Variants in DLX6 observed in about 807,000 individuals in gnomAD.
DLX6 encodes the protein homeobox protein DLX-6.
In DLX6, 4 loss-of-function variants were observed where a neutral mutation model predicts 33.5. The observed-to-expected ratio is 0.12, with a 90% confidence interval of 0.06 to 0.27. The LOEUF is 0.27. Ranked by LOEUF, DLX6 falls within the 10% of genes least tolerant of loss-of-function variation. The probability of loss-of-function intolerance (pLI) is 1.00; values close to 1 mark genes in which losing one functional copy is unlikely to be tolerated. For missense variants in DLX6, 382 were observed against 393.3 expected (o/e 0.97, Z 0.24); for synonymous variants, 184 against 164.8 (o/e 1.12, Z -0.89).
In DLX6 at chr7:97,006,430, G is replaced by C. The variant is rs1789733541; in HGVS notation, c.436+17G>C. The C allele has an allele frequency of 1.5e-6, 2 of 1,301,172 alleles. No homozygotes were observed. The allele number at this position is 1,301,172 out of a possible 1,614,324, so 80.6% of individuals were successfully genotyped here. A position where few individuals can be genotyped will look rare whatever the true frequency, so the allele number is the denominator to read the frequency against. On this transcript the variant is annotated intron_variant, in intron 1 of 2. Coordinates refer to ENST00000518156, the MANE Select transcript of DLX6 (RefSeq NM_005222.4). ...ACGACACAGGTGAGAGGCCGCTGGG[G>C]CAGCTCGCTTCTCCCGCCTCCCGAC...
At chr7:97,008,907 G>A (rs991746880) in intron 2 of DLX6, among the ~76,000 whole-genome samples, 4 of 152,204 alleles carry the variant, frequency 2.6e-5, no homozygotes, top group African/African-American at 4.8e-5. Flanking sequence ...TGAAAAAGTA[G>A]ATTCTTATGG....
At chr7:97,006,705 A>C (rs894264941) in intron 1 of DLX6, 2 of 162,190 alleles carry the variant, frequency 1.2e-5, no homozygotes, top group Non-Finnish European at 2.7e-5. Flanking sequence ...TGCGCTCTCC[A>C]GCCTCCTGGG....
intron 1 of DLX6, 155 bp from the exon 2 acceptor site, chr7:97,007,483 G>A: frequency 1.4e-6 from 1 of 723,962 alleles, no homozygotes; most frequent in Admixed American, 2.0e-5. Flanking sequence ...GGAGCACACG[G>A]GCAGAGTGGA....
At position 97,006,167 on chromosome 7, in the gene DLX6, A is replaced by C; in HGVS notation, c.190A>C (p.Met64Leu). The change falls in exon 1 of 3, where the codon ATG becomes CTG. Residue 64 changes from methionine to leucine, a missense_variant. Met to Leu is a conservative substitution (Grantham distance 15). Around this residue, in one of 4 missense-constraint regions of DLX6, gnomAD observed 257 missense variants for 206.9 expected, o/e 1.24. Transcript: ENST00000518156. ...GCACTCGCAGCAGAGCTCCCCGGCC[A>C]TGGCAGGCGCGCACTACCCTCTGCA... Reference protein sequence around the residue: ...QPHSQQSSPAMAGAHYPLHCL... With the variant: ...QPHSQQSSPALAGAHYPLHCL... The C allele has an allele frequency of 6.6e-7, 1 of 1,523,012 alleles. No homozygotes were observed. Among genetic ancestry groups the C allele is most frequent in the Non-Finnish European group, 8.9e-7 (1 of 1,128,648 alleles). The allele number at this position is 1,523,012 out of a possible 1,614,324, so 94.3% of individuals were successfully genotyped here.
Position 97,006,328 on chromosome 7 carries a change from C to G in DLX6, c.351C>G (p.Pro117=). 1 of 1,515,366 alleles carries G rather than the reference C, an allele frequency of 6.6e-7. No individual in the cohort carries two copies. The highest frequency in any genetic ancestry group is 8.9e-7 in the Non-Finnish European group (1 of 1,128,508). The allele number at this position is 1,515,366 out of a possible 1,614,324, so 93.9% of individuals were successfully genotyped here. A position where few individuals can be genotyped will look rare whatever the true frequency, so the allele number is the denominator to read the frequency against. The change falls in exon 1 of 3, where the codon CCC becomes CCG. Residue 117 remains proline (P), a synonymous_variant. Coordinates refer to ENST00000518156, the MANE Select transcript of DLX6 (RefSeq NM_005222.4). The part of the protein sequence containing the change: ...SYNHRSLAAY[P]YMSHSQHSPY... The stretch of plus-strand genomic sequence containing the variant: ...ACCACCGCTCGCTCGCCGCCTACCC[C>G]TACATGAGCCACTCGCAGCACAGCC...
At chr7:97,006,499 C>T in intron 1 of DLX6, 86 bp downstream of exon 1, 2 of 1,208,458 alleles carry the variant, frequency 1.7e-6, no homozygotes, top group Middle Eastern at 3.2e-4. Context: ...GACGCCCGGG[C>T]CTCCGCCGGC....
At position 97,006,346 on chromosome 7, in the gene DLX6, G is replaced by A. The variant is rs1424100873; in HGVS notation, c.369G>A (p.Gln123=). ...CCTACCCCTACATGAGCCACTCGCAGCACAGCCCTTACCTCCAGTCCTACC... is the reference window on the plus strand; with the variant it reads ...CCTACCCCTACATGAGCCACTCGCAACACAGCCCTTACCTCCAGTCCTACC... ...LAAYPYMSHS[Q]HSPYLQSYHN... The change falls in exon 1 of 3, where the codon CAG becomes CAA. Residue 123 remains glutamine (Q), a synonymous_variant. Coordinates refer to ENST00000518156, the MANE Select transcript of DLX6 (RefSeq NM_005222.4). 2 of 1,502,754 alleles carry A rather than the reference G, an allele frequency of 1.3e-6. No homozygotes were observed. Among genetic ancestry groups the A allele is most frequent in the African/African-American group, 1.4e-5 (1 of 70,026 alleles). The allele number at this position is 1,502,754 out of a possible 1,614,324, so 93.1% of individuals were successfully genotyped here.
intron 1 of DLX6, chr7:97,006,895 C>G (rs1203321670): frequency 1.3e-5 from 2 of 152,424 alleles, no homozygotes; most frequent in Admixed American, 1.3e-4. Context: ...GGAAGCTGGC[C>G]TGGCTTTCGC....
At chr7:97,008,826 C>T (rs1584156975) in intron 2 of DLX6, among the ~76,000 whole-genome samples, 2 of 152,274 alleles carry the variant, frequency 1.3e-5, no homozygotes, top group Admixed American at 1.3e-4. Context: ...TTTCTCTTTC[C>T]ATATTGCTAT....
At chr7:97,009,715 A>G in intron 2 of DLX6, 81 bp from the exon 3 acceptor site, 1 of 1,537,840 alleles carries the variant, frequency 6.5e-7, no homozygotes, top group Non-Finnish European at 8.7e-7. Flanking sequence ...TGCTTTTTTA[A>G]TATTGCTTCT....
intron 2 of DLX6, among the ~76,000 whole-genome samples, chr7:97,008,247 A>AT (rs1789779744): frequency 6.6e-6 from 1 of 152,244 alleles, no homozygotes; most frequent in African/African-American, 2.4e-5. Context: ...TTTTCAACCC[A>AT]TTGACACAGA....
At position 97,006,225 on chromosome 7, in the gene DLX6, C is replaced by A; in HGVS notation, c.248C>A (p.Ala83Asp). 6.6e-7 allele frequency: 1 copy of A among 1,512,646 alleles called. No homozygotes were observed. The highest frequency in any genetic ancestry group is 8.9e-7 in the Non-Finnish European group (1 of 1,127,276). The allele number at this position is 1,512,646 out of a possible 1,614,324, so 93.7% of individuals were successfully genotyped here. A position where few individuals can be genotyped will look rare whatever the true frequency, so the allele number is the denominator to read the frequency against. ...CACTCGGCGGCGGCGGCGGCAGCGG[C>A]CGGCTCGCACCACCACCACCACCAC... is the stretch of plus-strand genomic sequence containing the variant. ...CLHSAAAAAAAGSHHHHHHQH... is the reference protein window; with the variant it reads ...CLHSAAAAAADGSHHHHHHQH... The change falls in exon 1 of 3, where the codon GCC becomes GAC. Residue 83 changes from alanine (A) to aspartate (D), a missense_variant. Transcript: ENST00000518156.
chr7:97,006,241 C>CCACCACCACCAG lies in DLX6; in HGVS notation c.276_287dup (p.Gln92_His95dup), dbSNP rs1001603219. On this transcript the variant is annotated inframe_insertion, in exon 1 of 3. Transcript: ENST00000518156. ...CGGCAGCGGCCGGCTCGCACCACCA[C>CCACCACCACCAG]CACCACCACCAGCACCACCACCACG... 8 of 1,520,178 alleles carry CCACCACCACCAG rather than the reference C, an allele frequency of 5.3e-6. No individual in the cohort carries two copies. The highest frequency in any genetic ancestry group is 6.2e-6 in the Non-Finnish European group (7 of 1,131,208). 94.2% of individuals were successfully genotyped at this position (1,520,178 alleles called of 1,614,324 possible).
intron 1 of DLX6, chr7:97,006,905 C>G (rs1325625854): frequency 6.6e-6 from 1 of 152,430 alleles, no homozygotes; most frequent in Non-Finnish European, 1.5e-5. Context: ...CTGGCTTTCG[C>G]TCTGGTTAAA....
At chr7:97,007,469 G>T (rs186944617) in intron 1 of DLX6, 169 bp from the exon 2 acceptor site, 4 of 693,368 alleles carry the variant, frequency 5.8e-6, no homozygotes, top group Admixed American at 2.1e-5. Context: ...TTACGCAGAC[G>T]CTGGGAGCAC....
In DLX6 at chr7:97,005,942, C is replaced by T; in HGVS notation, c.-36C>T. The T allele has an allele frequency of 6.6e-7, 1 of 1,509,470 alleles. No individual in the cohort carries two copies. The highest frequency in any genetic ancestry group is 8.9e-7 in the Non-Finnish European group (1 of 1,124,630). 93.5% of individuals were successfully genotyped at this position (1,509,470 alleles called of 1,614,324 possible). On this transcript the variant is annotated 5_prime_UTR_variant, in exon 1 of 3. Transcript: ENST00000518156. ...CCAAGTGGGGGAGGGTGGAGGAAAC[C>T]CGGGAGAAGGCTTTCTCCAGCCCCC...
In DLX6 at chr7:97,005,963, C is replaced by T; in HGVS notation, c.-15C>T. On this transcript the variant is annotated 5_prime_UTR_variant, in exon 1 of 3. Coordinates refer to ENST00000518156, the MANE Select transcript of DLX6 (RefSeq NM_005222.4). ...AAACCCGGGAGAAGGCTTTCTCCAG[C>T]CCCCAAAGTTTTTGATGATGACCAT... 2 of 1,562,436 alleles carry T rather than the reference C, an allele frequency of 1.3e-6. No homozygotes were observed. Among genetic ancestry groups the T allele is most frequent in the South Asian group, 1.2e-5 (1 of 84,070 alleles).
rs1366605372 is a variant in DLX6 at position 97,010,712 on chromosome 7, A to T, written c.*665A>T. 6.6e-6 allele frequency: 1 copy of T among 152,584 alleles called. No individual in the cohort carries two copies. Among genetic ancestry groups the T allele is most frequent in the African/African-American group, 2.4e-5 (1 of 41,432 alleles). The allele number at this position is 152,584 out of a possible 1,614,324, so 9.5% of individuals were successfully genotyped here. On this transcript the variant is annotated 3_prime_UTR_variant, in exon 3 of 3. Coordinates refer to ENST00000518156, the MANE Select transcript of DLX6 (RefSeq NM_005222.4). The stretch of plus-strand genomic sequence containing the variant: ...AGGAAAAAGTGGCTGTAAGATTAGA[A>T]CATTGCTACAAAGGGAATGCTGCAT...
intron 1 of DLX6, 138 bp downstream of exon 1, chr7:97,006,551 G>C: frequency 1.1e-6 from 1 of 871,644 alleles, no homozygotes; most frequent in Non-Finnish European, 1.5e-6. Context: ...GCCGGGCCCC[G>C]TGCGCGCCCG....
Sources: allele counts gnomAD v4.1 joint callset (sites outside exome capture counted in the v4.1 genomes callset), GRCh38; gene constraint gnomAD v4.1.1; regional missense constraint gnomAD v4.1.1; transcripts MANE v1.5; gene names NCBI Gene and HGNC (gene_info 2026-07-23, HGNC 2026-07-21).